Variants in TASP1 observed in about 807,000 individuals in gnomAD.
TASP1 encodes threonine aspartase 1.
A neutral mutation model predicts 56.6 loss-of-function variants in TASP1; 16 were observed. The ratio of observed to expected loss-of-function variants is 0.28; its 90% CI spans 0.19 to 0.43. TASP1 has a LOEUF of 0.43. TASP1 is among the 20% of genes least tolerant of loss of function. TASP1 has a pLI of 1.00. For synonymous variants in TASP1, 179 were observed against 184.2 expected (o/e 0.97, Z 0.23); for missense variants, 393 against 511.6 (o/e 0.77, Z 2.24).
chr20:13,527,829 T>G (rs1213687446), intron 10 of TASP1, among the ~76,000 whole-genome samples: 1 of 152,200 alleles, frequency 6.6e-6, no homozygotes, highest in Non-Finnish European at 1.5e-5. Flanking sequence ...GCTACTTTTA[T>G]GTCTTTTGTT....
the TASP1 span, among the ~76,000 whole-genome samples, chr20:13,194,271 A>G: frequency 6.6e-6 from 1 of 152,190 alleles, no homozygotes; most frequent in Non-Finnish European, 1.5e-5. Context: ...GGATTAGGAC[A>G]ATATGGCTCA....
the TASP1 span, among the ~76,000 whole-genome samples, chr20:13,137,986 T>C: frequency 3.9e-5 from 6 of 152,152 alleles, no homozygotes; most frequent in Non-Finnish European, 8.8e-5. Context: ...TCAGAACAGC[T>C]TGGGGATTCA....
At chr20:13,566,153 A>T (rs1358856609) in intron 7 of TASP1, among the ~76,000 whole-genome samples, 1 of 152,200 alleles carries the variant, frequency 6.6e-6, no homozygotes, top group Non-Finnish European at 1.5e-5. Context: ...AAAATGAACT[A>T]GCCAGGGACT....
At chr20:13,114,025 C>T in the TASP1 span, among the ~76,000 whole-genome samples, 2 of 152,282 alleles carry the variant, frequency 1.3e-5, no homozygotes, top group Admixed American at 6.5e-5. Flanking sequence ...GACAGATAAC[C>T]GAGATGAGGC....
the TASP1 span, chr20:13,279,490 T>G: frequency 1.3e-6 from 1 of 791,892 alleles, no homozygotes; most frequent in East Asian, 2.7e-5. Context: ...GGTTTTCCAT[T>G]GTGTATCGCC....
chr20:13,203,439 T>C, the TASP1 span, among the ~76,000 whole-genome samples: 1 of 152,222 alleles, frequency 6.6e-6, no homozygotes, highest in African/African-American at 2.4e-5. Flanking sequence ...AAACACTCAA[T>C]TTAGTTCATG....
At chr20:13,595,079 C>A (rs2047678617) in intron 4 of TASP1, among the ~76,000 whole-genome samples, 1 of 152,140 alleles carries the variant, frequency 6.6e-6, no homozygotes, top group East Asian at 1.9e-4. Context: ...ATTCAACATT[C>A]TTAAAGAAAA....
intron 13 of TASP1, among the ~76,000 whole-genome samples, chr20:13,402,808 A>G (rs1471144938): frequency 1.3e-5 from 2 of 152,210 alleles, no homozygotes; most frequent in African/African-American, 4.8e-5. Context: ...AGTCTCTTTT[A>G]AGGGATTCAT....
chr20:13,434,862 G>C (rs983504403), intron 12 of TASP1, among the ~76,000 whole-genome samples, 182 bp downstream of exon 12: 2 of 152,126 alleles, frequency 1.3e-5, no homozygotes, highest in African/African-American at 4.8e-5. Flanking sequence ...ACTTAAAAAT[G>C]AACATTCATC....
the TASP1 span, among the ~76,000 whole-genome samples, chr20:13,108,871 T>A: frequency 6.6e-6 from 1 of 152,224 alleles, no homozygotes; most frequent in African/African-American, 2.4e-5. Flanking sequence ...CTGGTGAACA[T>A]TGCATAACAG....
chr20:13,557,576 T>G (rs200922104), intron 8 of TASP1, among the ~76,000 whole-genome samples: 1 of 136,388 alleles, frequency 7.3e-6, no homozygotes, highest in African/African-American at 2.9e-5. Flanking sequence ...TTTTTGGTTT[T>G]TTTTTTTTTT....
At chr20:13,186,704 G>A in the TASP1 span, among the ~76,000 whole-genome samples, 11 of 152,228 alleles carry the variant, frequency 7.2e-5, no homozygotes, top group African/African-American at 2.4e-4. Context: ...ATAAAAACAA[G>A]GATACTAGAA....
chr20:13,551,071 C>A (rs184060853), intron 8 of TASP1, among the ~76,000 whole-genome samples: 1 of 152,164 alleles, frequency 6.6e-6, no homozygotes, highest in East Asian at 1.9e-4. Context: ...CAAGGCCCAA[C>A]ATTTCCTTTC....
At chr20:13,474,864 A>G (rs970473185) in intron 11 of TASP1, among the ~76,000 whole-genome samples, 1 of 152,050 alleles carries the variant, frequency 6.6e-6, no homozygotes, top group African/African-American at 2.4e-5. Context: ...TGTGGTTTTA[A>G]TTTGCATTTC....
the TASP1 span, among the ~76,000 whole-genome samples, chr20:13,112,447 A>G: frequency 6.6e-6 from 1 of 152,162 alleles, no homozygotes; most frequent in East Asian, 1.9e-4. Context: ...TTCTGCCCTG[A>G]CCCATTGGCT....
chr20:13,120,610 TG>T, the TASP1 span, among the ~76,000 whole-genome samples: 1 of 152,172 alleles, frequency 6.6e-6, no homozygotes, highest in Non-Finnish European at 1.5e-5. Context: ...CTTTATGGAA[TG>T]GGTCAAGGTC....
At chr20:13,409,572 T>C (rs1029043486) in intron 13 of TASP1, among the ~76,000 whole-genome samples, 1 of 152,154 alleles carries the variant, frequency 6.6e-6, no homozygotes, top group South Asian at 2.1e-4. Flanking sequence ...AATTTTTATC[T>C]CATTTAACTT....
intron 12 of TASP1, among the ~76,000 whole-genome samples, chr20:13,426,942 GAT>G (rs765975362): frequency 4.6e-5 from 7 of 152,150 alleles, no homozygotes; most frequent in Non-Finnish European, 1.0e-4. Context: ...CCATTCTTAA[GAT>G]AAAGTTATTA....
intron 10 of TASP1, among the ~76,000 whole-genome samples, chr20:13,510,841 C>A (rs967424806): frequency 6.6e-6 from 1 of 152,232 alleles, no homozygotes; most frequent in East Asian, 1.9e-4. Flanking sequence ...CTGTTATCAT[C>A]CTTATTATTA....
Sources: allele counts gnomAD v4.1 joint callset (sites outside exome capture counted in the v4.1 genomes callset), GRCh38; gene constraint gnomAD v4.1.1; transcripts MANE v1.5; gene names NCBI Gene and HGNC (gene_info 2026-07-23, HGNC 2026-07-21).